Variants in KATNAL1 observed in about 807,000 individuals in gnomAD.
KATNAL1 encodes katanin catalytic subunit A1 like 1, also known as katanin p60 ATPase-containing subunit A-like 1.
A neutral mutation model predicts 55.2 loss-of-function variants in KATNAL1; 32 were observed. The observed-to-expected ratio is 0.58, with a 90% CI of 0.44 to 0.78. The LOEUF (loss-of-function observed/expected upper bound fraction) is 0.78, where lower values mean the gene tolerates loss of function less well. KATNAL1 is among the 30% of genes least tolerant of loss of function. KATNAL1 has a pLI of 0.00. For missense variants in KATNAL1, 466 were observed against 600.9 expected (o/e 0.78, Z 2.35); for synonymous variants, 193 against 193.6 (o/e 1.00, Z 0.02).
intron 4 of KATNAL1, among the ~76,000 whole-genome samples, chr13:30,246,590 T>C (rs963110065): frequency 6.6e-6 from 1 of 152,084 alleles, no homozygotes; most frequent in Non-Finnish European, 1.5e-5. Flanking sequence ...GAAACTATCA[T>C]CAGAGCAAAC....
intron 1 of KATNAL1, chr13:30,296,284 CT>C: frequency 8.2e-7 from 1 of 1,213,812 alleles, no homozygotes; most frequent in Non-Finnish European, 1.2e-6. Context: ...ACCCTCTGGA[CT>C]TCACTTTTGT....
intron 1 of KATNAL1, among the ~76,000 whole-genome samples, chr13:30,301,568 AGG>A (rs1882858493): frequency 1.3e-5 from 2 of 152,288 alleles, no homozygotes; most frequent in Middle Eastern, 3.4e-3. Context: ...TTAGCAGAGG[AGG>A]TGACTGAGGC....
chr13:30,281,758 G>A lies in KATNAL1; in HGVS notation c.163-1535C>T, dbSNP rs549704971. On this transcript the variant is annotated intron_variant, in intron 2 of 10. Transcript: ENST00000380615. The stretch of plus-strand genomic sequence containing the variant: ...AGAAGATTTTAAATTTTAACACTAA[G>A]TGGGGAGTGTCTGCATTGGCAGCAC... 3.9e-5 allele frequency: 6 copies of A among 152,330 alleles called. No individual in the cohort carries two copies. The South Asian group carries it at 1.2e-3, about 32-fold the overall frequency. The allele number at this position is 152,330 out of a possible 1,614,324, so 9.4% of individuals were successfully genotyped here.
At chr13:30,288,078 C>CAA in intron 1 of KATNAL1, among the ~76,000 whole-genome samples, 1 of 152,240 alleles carries the variant, frequency 6.6e-6, no homozygotes, top group Non-Finnish European at 1.5e-5. Context: ...AGTTGGGATT[C>CAA]AAAGTTAGTA....
chr13:30,270,760 G>C (rs1426631121), intron 3 of KATNAL1, among the ~76,000 whole-genome samples: 1 of 150,778 alleles, frequency 6.6e-6, no homozygotes, highest in Non-Finnish European at 1.5e-5. Flanking sequence ...AAGTACCCAG[G>C]GACACAAACA....
chr13:30,296,150 G>T, intron 1 of KATNAL1: 1 of 517,298 alleles, frequency 1.9e-6, no homozygotes, highest in Non-Finnish European at 3.5e-6. Context: ...TTCAGTCATG[G>T]CCTCAGGTAA....
chr13:30,289,527 C>T (rs560921953), intron 1 of KATNAL1, among the ~76,000 whole-genome samples: 1 of 152,278 alleles, frequency 6.6e-6, no homozygotes, highest in South Asian at 2.1e-4. Flanking sequence ...TATGTTTTCT[C>T]ATTTTTCTGA....
intron 3 of KATNAL1, among the ~76,000 whole-genome samples, chr13:30,277,030 A>G (rs1481963095): frequency 6.6e-6 from 1 of 152,222 alleles, no homozygotes; most frequent in Non-Finnish European, 1.5e-5. Flanking sequence ...ACAGGAAGTG[A>G]CTAATAATTA....
rs543435060 is a variant in KATNAL1 at position 30,290,666 on chromosome 13, T to C, written c.-14-6875A>G. Among the ~76,000 whole-genome samples, 8 of 152,226 alleles carry C rather than the reference T, an allele frequency of 5.3e-5. No homozygotes were observed. In the East Asian group the frequency reaches 1.5e-3, roughly 29 times the overall value. The stretch of plus-strand genomic sequence containing the variant: ...CAGAAAATTACAATATCAATATCCC[T>C]TAAAAACATAGATACAAAAAATCTT... On this transcript the variant is annotated intron_variant, in intron 1 of 10. Coordinates refer to ENST00000380615, the MANE Select transcript of KATNAL1 (RefSeq NM_032116.5).
At chr13:30,270,701 T>C (rs1485373767) in intron 3 of KATNAL1, among the ~76,000 whole-genome samples, 8 of 151,580 alleles carry the variant, frequency 5.3e-5, no homozygotes, top group African/African-American at 1.5e-4. Flanking sequence ...GTTAAACAGA[T>C]GCTTGAAGGC....
intron 3 of KATNAL1, among the ~76,000 whole-genome samples, 159 bp from the exon 4 acceptor site, chr13:30,255,774 GT>G (rs1334558644): frequency 6.6e-6 from 1 of 152,052 alleles, no homozygotes; most frequent in Non-Finnish European, 1.5e-5. Flanking sequence ...TATTAGGTTA[GT>G]TTTCCCAAAT....
chr13:30,250,673 G>T (rs1310891746), intron 4 of KATNAL1, among the ~76,000 whole-genome samples: 1 of 152,118 alleles, frequency 6.6e-6, no homozygotes, highest in Non-Finnish European at 1.5e-5. Flanking sequence ...ATGGCCATTT[G>T]TTATGCACAA....
rs890866986 is a variant in KATNAL1 at position 30,205,831 on chromosome 13, CTCTG to C, written c.*2705_*2708del. ...AACACACTGTCTTCTGCAATAAAGACTCTGTGTGTGTGTATGTGTGTGTATGTGT... is the reference window on the plus strand; with the variant it reads ...AACACACTGTCTTCTGCAATAAAGACTGTGTGTGTATGTGTGTGTATGTGT... On this transcript the variant is annotated 3_prime_UTR_variant, in exon 11 of 11. Transcript: ENST00000380615. 6.9e-6 allele frequency: 1 copy of C among 144,846 alleles called. No homozygotes were observed. Among genetic ancestry groups the C allele is most frequent in the Non-Finnish European group, 1.4e-5 (1 of 69,094 alleles). The allele number at this position is 144,846 out of a possible 1,614,324, so 9.0% of individuals were successfully genotyped here. A position where few individuals can be genotyped will look rare whatever the true frequency, so the allele number is the denominator to read the frequency against.
Position 30,232,242 on chromosome 13 carries a change from A to C in KATNAL1, c.727-770T>G, listed in dbSNP as rs1276622198. 2.6e-5 allele frequency among the ~76,000 whole-genome samples: 4 copies of C among 152,328 alleles called. No individual in the cohort carries two copies. In the East Asian group the frequency reaches 7.7e-4, roughly 29 times the overall value. The stretch of plus-strand genomic sequence containing the variant: ...TATTTTCTTCCAGAATTTTTAATAG[A>C]GTTTAAATACATAGCTCACACTAAA... On this transcript the variant is annotated intron_variant, in intron 6 of 10. Transcript: ENST00000380615.
intron 3 of KATNAL1, among the ~76,000 whole-genome samples, chr13:30,277,452 A>T (rs1360986310): frequency 6.6e-6 from 1 of 152,248 alleles, no homozygotes; most frequent in Non-Finnish European, 1.5e-5. Context: ...CATCAACTCA[A>T]GTCAAACGTC....
intron 4 of KATNAL1, among the ~76,000 whole-genome samples, chr13:30,254,892 G>A (rs1175654891): frequency 6.6e-6 from 1 of 152,090 alleles, no homozygotes; most frequent in Non-Finnish European, 1.5e-5. Flanking sequence ...TTTAAGGGAA[G>A]TACAATTTCC....
chr13:30,277,637 T>G (rs1880941204), intron 3 of KATNAL1, among the ~76,000 whole-genome samples: 1 of 152,208 alleles, frequency 6.6e-6, no homozygotes, highest in Non-Finnish European at 1.5e-5. Flanking sequence ...ATTTGCAATC[T>G]GAATATTTAT....
At chr13:30,276,410 C>A (rs569858963) in intron 3 of KATNAL1, among the ~76,000 whole-genome samples, 19 of 151,134 alleles carry the variant, frequency 1.3e-4, no homozygotes, top group African/African-American at 4.4e-4. Flanking sequence ...GTGAAAAGAA[C>A]AGAACCATAA....
intron 9 of KATNAL1, among the ~76,000 whole-genome samples, chr13:30,212,249 T>C (rs530165954): frequency 6.6e-6 from 1 of 152,090 alleles, no homozygotes; most frequent in Non-Finnish European, 1.5e-5. Flanking sequence ...GTCGACACAG[T>C]GAAAACAGAT....
Sources: gnomAD v4.1 joint callset for allele counts (sites outside exome capture counted in the v4.1 genomes callset) on GRCh38, gnomAD v4.1.1 for gene constraint, MANE v1.5 for transcripts, NCBI Gene and HGNC (gene_info 2026-07-23, HGNC 2026-07-21) for gene names.